Variants in SAMD4A observed in about 807,000 individuals in gnomAD.
SAMD4A encodes protein Smaug homolog 1.
Under a neutral mutation model 81.3 loss-of-function variants are expected in SAMD4A, and 33 were observed. The observed-to-expected ratio is 0.41, with a 90% confidence interval of 0.31 to 0.54. SAMD4A has a LOEUF of 0.54. Ranked by LOEUF, SAMD4A falls within the 20% of genes least tolerant of loss-of-function variation. The pLI is 0.37. For synonymous variants in SAMD4A, 389 were observed against 382.1 expected (o/e 1.02, Z -0.21); for missense variants, 854 against 951.1 (o/e 0.90, Z 1.34).
rs566039929 is a variant in SAMD4A, at chr14:54,719,051, T to C, written c.715+16471T>C. 6.6e-5 allele frequency among the ~76,000 whole-genome samples: 10 copies of C among 152,016 alleles called. 1 individual carries two copies. In the South Asian group the frequency reaches 2.1e-3, roughly 32 times the overall value. On this transcript the variant is annotated intron_variant, in intron 3 of 12. Transcript: ENST00000554335. ...AATCCTGACTTTGGGAAAGAAGGGTTCAAAGGAACGCCTTTCCCCATTCCC... is the reference window on the plus strand; with the variant it reads ...AATCCTGACTTTGGGAAAGAAGGGTCCAAAGGAACGCCTTTCCCCATTCCC...
intron 2 of SAMD4A, among the ~76,000 whole-genome samples, chr14:54,686,318 C>T (rs879269565): frequency 2.0e-5 from 3 of 152,102 alleles, no homozygotes; most frequent in South Asian, 2.1e-4. Flanking sequence ...TATCATTAGT[C>T]GGGAAGGCCT....
At chr14:54,581,579 T>G (rs1244109737) in intron 2 of SAMD4A, among the ~76,000 whole-genome samples, 1 of 152,256 alleles carries the variant, frequency 6.6e-6, no homozygotes, top group Non-Finnish European at 1.5e-5. Flanking sequence ...TATGAAGGAC[T>G]CAGGTGTCCA....
chr14:54,572,930 TAA>T (rs1382260099), intron 2 of SAMD4A, among the ~76,000 whole-genome samples: 2 of 152,220 alleles, frequency 1.3e-5, no homozygotes, highest in East Asian at 3.8e-4. Flanking sequence ...TAAAAAGATA[TAA>T]GTCTACTGGG....
At position 54,576,001 on chromosome 14, in the gene SAMD4A, CTTTTTTTTTTTTTTTTTTTTTTTT is replaced by C. The variant is rs57819180; in HGVS notation, c.196+7903_196+7926del. On this transcript the variant is annotated intron_variant, in intron 2 of 12. Coordinates refer to ENST00000554335, the MANE Select transcript of SAMD4A (RefSeq NM_015589.6). ...CCAGGAAAGATTTCTTTCTTTCTTT[CTTTTTTTTTTTTTTTTTTTTTTTT>C]TTTTTTTTTTTTTGCTGATGCTATG... Among the ~76,000 whole-genome samples, 199 of 80,004 alleles carry C rather than the reference CTTTTTTTTTTTTTTTTTTTTTTTT, an allele frequency of 2.5e-3. 1 individual carries two copies. The highest frequency in any genetic ancestry group is 9.5e-3 in the African/African-American group (180 of 19,020). 52.5% of individuals were successfully genotyped at this position (80,004 alleles called of 152,430 possible).
At chr14:54,659,790 A>G (rs1305107452) in intron 2 of SAMD4A, among the ~76,000 whole-genome samples, 1 of 152,186 alleles carries the variant, frequency 6.6e-6, no homozygotes. Context: ...CTTGTGCTGC[A>G]ACATTACCTG....
In SAMD4A at chr14:54,782,556, AC is replaced by A. The variant is rs2039024617; in HGVS notation, c.2045-1977del. ...GGAGACTCCTGCCATTCTCTGTGGC[AC>A]CCCACTTCCCTGGAAGCTCAGTCGG... On this transcript the variant is annotated intron_variant, in intron 11 of 12. Coordinates refer to ENST00000554335, the MANE Select transcript of SAMD4A (RefSeq NM_015589.6). 2.0e-5 allele frequency among the ~76,000 whole-genome samples: 3 copies of A among 152,066 alleles called. No individual in the cohort carries two copies. In the South Asian group the frequency reaches 6.3e-4, roughly 32 times the overall value.
chr14:54,577,033 C>G (rs1349068487), intron 2 of SAMD4A, among the ~76,000 whole-genome samples: 1 of 152,152 alleles, frequency 6.6e-6, no homozygotes, highest in South Asian at 2.1e-4. Flanking sequence ...AAGAGAGAAA[C>G]AAGGAAGGAG....
At chr14:54,751,665 A>G in intron 6 of SAMD4A, 128 bp downstream of exon 6, 1 of 702,548 alleles carries the variant, frequency 1.4e-6, no homozygotes, top group South Asian at 1.7e-5. Context: ...CCAAAGTCAG[A>G]GAAAACGGAA....
chr14:54,718,554 T>TTGTTGTTG (rs1566601870), intron 3 of SAMD4A, among the ~76,000 whole-genome samples: 3 of 134,754 alleles, frequency 2.2e-5, no homozygotes, highest in African/African-American at 9.6e-5. Context: ...TTTTGGGTTT[T>TTGTTGTTG]TTGTTGTTGT....
chr14:54,760,838 A>G (rs1263674333), intron 7 of SAMD4A, among the ~76,000 whole-genome samples: 1 of 152,162 alleles, frequency 6.6e-6, no homozygotes, highest in Non-Finnish European at 1.5e-5. Flanking sequence ...TTTGGGAACA[A>G]ACCGTTCACT....
At chr14:54,743,816 A>G (rs1035310926) in intron 4 of SAMD4A, among the ~76,000 whole-genome samples, 4 of 152,208 alleles carry the variant, frequency 2.6e-5, no homozygotes, top group African/African-American at 9.6e-5. Context: ...CCCAAGACCA[A>G]TCCTGCTCTC....
At chr14:54,685,273 T>TTCC (rs1183816823) in intron 2 of SAMD4A, among the ~76,000 whole-genome samples, 1 of 25,158 alleles carries the variant, frequency 4.0e-5, no homozygotes, top group African/African-American at 5.7e-5. Flanking sequence ...CCATTCTTCC[T>TTCC]GCCCCCCCCC....
intron 2 of SAMD4A, among the ~76,000 whole-genome samples, chr14:54,691,302 C>T (rs1195227013): frequency 6.6e-6 from 1 of 152,120 alleles, no homozygotes. Context: ...GTCTTGTCTC[C>T]TTCTGTAGCA....
At chr14:54,728,935 C>T (rs1026351792) in intron 3 of SAMD4A, among the ~76,000 whole-genome samples, 3 of 152,138 alleles carry the variant, frequency 2.0e-5, no homozygotes, top group Non-Finnish European at 2.9e-5. Flanking sequence ...TATCTGGGAG[C>T]CTTTAAGCTT....
rs547710687 is a variant in SAMD4A, at chr14:54,751,525, G to T, written c.1164G>T (p.Lys388Asn). ...TCAAAGAAAGACAAAATCTCCTGAA[G>T]TCTTTGGAAAGGGTAAGTTATCGGA... ...QKLKERQNLLKSLERDIIEGG... is the reference protein window; with the variant it reads ...QKLKERQNLLNSLERDIIEGG... Residue 388 changes from lysine (K) to asparagine (N), a missense_variant, in exon 6 of 13, where the codon AAG becomes AAT. Coordinates refer to ENST00000554335, the MANE Select transcript of SAMD4A (RefSeq NM_015589.6). 5 of 1,602,450 alleles carry T rather than the reference G, an allele frequency of 3.1e-6. No individual in the cohort carries two copies. The highest frequency in any genetic ancestry group is 4.3e-6 in the Non-Finnish European group (5 of 1,170,936).
intron 2 of SAMD4A, among the ~76,000 whole-genome samples, chr14:54,678,750 G>T (rs1053696831): frequency 6.6e-6 from 1 of 151,886 alleles, no homozygotes; most frequent in Non-Finnish European, 1.5e-5. Context: ...GGGTTTCACC[G>T]TGTTAGCCAG....
At chr14:54,743,279 C>T (rs73273374) in intron 4 of SAMD4A, among the ~76,000 whole-genome samples, 77 of 152,230 alleles carry the variant, frequency 5.1e-4, no homozygotes, top group African/African-American at 1.7e-3. Context: ...AAAGGAAGGC[C>T]AGTATTGAAT....
In SAMD4A at chr14:54,743,105, A is replaced by C. The variant is rs576347778; in HGVS notation, c.980-5710A>C. On this transcript the variant is annotated intron_variant, in intron 4 of 12. Transcript: ENST00000554335. The stretch of plus-strand genomic sequence containing the variant: ...GGAACCTGTCAGAAACCTTTGTAAG[A>C]AAGGTTGCAGATACAGCAGTTCTGA... Among the ~76,000 whole-genome samples the C allele has an allele frequency of 2.7e-3, 405 of 152,260 alleles. 4 individuals are homozygous for C. The highest frequency in any genetic ancestry group is 9.0e-3 in the African/African-American group (372 of 41,536).
At chr14:54,708,972 A>G (rs761685768) in intron 3 of SAMD4A, among the ~76,000 whole-genome samples, 2 of 152,206 alleles carry the variant, frequency 1.3e-5, no homozygotes, top group East Asian at 3.8e-4. Flanking sequence ...AGTGATGTTT[A>G]GAAGGCATTA....
Sources: allele counts gnomAD v4.1 joint callset (sites outside exome capture counted in the v4.1 genomes callset), GRCh38; gene constraint gnomAD v4.1.1; transcripts MANE v1.5; gene names NCBI Gene and HGNC (gene_info 2026-07-23, HGNC 2026-07-21).